NAXE: variants seen among roughly 807,000 people sequenced by gnomAD.
NAXE encodes NAD(P)H-hydrate epimerase.
Under a neutral mutation model 31.2 loss-of-function variants are expected in NAXE, and 25 were observed. The ratio of observed to expected loss-of-function variants is 0.80; its 90% confidence interval spans 0.58 to 1.12. The LOEUF is 1.12. Among genes scored for constraint, NAXE ranks in the 50% most tolerant of loss-of-function variants. NAXE has a pLI of 0.00. For synonymous variants in NAXE, 144 were observed against 154.5 expected, an observed-to-expected ratio of 0.93 and a Z score of 0.50; for missense variants, 362 against 376.1, an observed-to-expected ratio of 0.96 and a Z score of 0.31.
rs562768400 is a variant in NAXE at position 156,593,974 on chromosome 1, G to A, written c.757G>A (p.Gly253Ser). ...APKKSATQFTGRYHYLGGRFV... is the reference protein window; with the variant it reads ...APKKSATQFTSRYHYLGGRFV... ...CAAAAAATCTGCAACCCAGTTTACCGGTCGCTACCATTACCTGGGGGGTCG... is the reference window on the plus strand; with the variant it reads ...CAAAAAATCTGCAACCCAGTTTACCAGTCGCTACCATTACCTGGGGGGTCG... Residue 253 changes from glycine (G) to serine (S), a missense_variant, in exon 6 of 6, where the codon GGT becomes AGT. Coordinates refer to ENST00000368235, the MANE Select transcript of NAXE (RefSeq NM_144772.3). 9.9e-6 allele frequency: 16 copies of A among 1,614,124 alleles called. No individual in the cohort carries two copies. The highest frequency in any genetic ancestry group is 1.6e-4 in the Middle Eastern group (1 of 6,062).
chr1:156,592,765 C>T, intron 4 of NAXE, 95 bp downstream of exon 4: 1 of 1,182,300 alleles, frequency 8.5e-7, no homozygotes, highest in South Asian at 1.4e-5. Context: ...ATTTTAGTGC[C>T]TGGTACGGAA....
rs1245765243 is a variant in NAXE at position 156,594,002 on chromosome 1, T to C, written c.785T>C (p.Phe262Ser). 1 of 1,614,168 alleles carries C rather than the reference T, an allele frequency of 6.2e-7. No homozygotes were observed. Among genetic ancestry groups the C allele is most frequent in the Admixed American group, 1.7e-5 (1 of 60,016 alleles). The change falls in exon 6 of 6, where the codon TTT becomes TCT. Residue 262 changes from phenylalanine to serine, a missense_variant. By Grantham distance (155) the Phe-to-Ser change is radical. Transcript: ENST00000368235. ...CGCTACCATTACCTGGGGGGTCGTT[T>C]TGTGCCACCTGCTCTGGAGAAGAAG... ...TGRYHYLGGR[F>S]VPPALEKKYQ...
At chr1:156,592,813 G>A (rs967081046) in intron 4 of NAXE, 143 bp downstream of exon 4, 6 of 712,650 alleles carry the variant, frequency 8.4e-6, no homozygotes, top group African/African-American at 1.8e-5. Flanking sequence ...GTGTGCAAGA[G>A]CCTTCTCCTC....
At chr1:156,593,196 G>T (rs1557962975) in intron 4 of NAXE, 2 of 561,314 alleles carry the variant, frequency 3.6e-6, no homozygotes, top group Non-Finnish European at 5.9e-6. Context: ...TGGTGGGCAG[G>T]CAGGCAGGCA....
chr1:156,593,828 G>A (rs965635584), intron 5 of NAXE, 54 bp from the exon 6 acceptor site: 4 of 1,578,562 alleles, frequency 2.5e-6, no homozygotes, highest in East Asian at 4.5e-5. Flanking sequence ...GTAAACTAAG[G>A]TGTAGAAGGG....
Position 156,593,457 on chromosome 1 carries a change from G to C in NAXE, c.566G>C (p.Gly189Ala), listed in dbSNP as rs1677398914. 6.2e-7 allele frequency: 1 copy of C among 1,614,032 alleles called. No homozygotes were observed. The highest frequency in any genetic ancestry group is 1.3e-5 in the African/African-American group (1 of 74,906). The stretch of plus-strand genomic sequence containing the variant: ...GAGCTGGTGGTGGATGCCATCTTTG[G>C]CTTCAGCTTCAAGGGCGATGTTCGG... ...LYELVVDAIF[G>A]FSFKGDVREP... is the part of the protein sequence containing the mutation. Residue 189 changes from glycine to alanine, a missense_variant, in exon 5 of 6, where the codon GGC (glycine) becomes GCC (alanine). Coordinates refer to ENST00000368235, the MANE Select transcript of NAXE (RefSeq NM_144772.3).
At chr1:156,592,329 G>C in intron 2 of NAXE, 36 bp from the exon 3 acceptor site, 1 of 1,610,530 alleles carries the variant, frequency 6.2e-7, no homozygotes. Flanking sequence ...ATTACCGCCT[G>C]AAACCCCGCC....
intron 5 of NAXE, 123 bp from the exon 6 acceptor site, chr1:156,593,759 G>T (rs372981722): frequency 7.5e-7 from 1 of 1,341,632 alleles, no homozygotes; most frequent in Admixed American, 2.0e-5. Flanking sequence ...CGTGGAGCTC[G>T]TTGGACGAGA....
rs933843056 is a variant in NAXE at position 156,594,197 on chromosome 1, A to G, written c.*113A>G. 1 of 1,172,908 alleles carries G rather than the reference A, an allele frequency of 8.5e-7. No individual in the cohort carries two copies. Among genetic ancestry groups the G allele is most frequent in the Non-Finnish European group, 1.2e-6 (1 of 817,450 alleles). The allele number at this position is 1,172,908 out of a possible 1,614,324, so 72.7% of individuals were successfully genotyped here. ...AAAGTCAGTGAATGGTGGAAGTCAG[A>G]GACCAACCCTGGGGATTGGGTGCCA... is the stretch of plus-strand genomic sequence containing the variant. On this transcript the variant is annotated 3_prime_UTR_variant, in exon 6 of 6. Coordinates refer to ENST00000368235, the MANE Select transcript of NAXE (RefSeq NM_144772.3).
rs184436372 is a variant in NAXE, at chr1:156,593,153, G to A, written c.517-255G>A. 87 of 473,810 alleles carry A rather than the reference G, an allele frequency of 1.8e-4. No individual in the cohort carries two copies. In the East Asian group the frequency reaches 2.9e-3, roughly 16 times the overall value. The allele number at this position is 473,810 out of a possible 1,614,324, so 29.4% of individuals were successfully genotyped here. ...AACCAGAATCTGGCTCTCCTGACTCGTCTCAGGCTATCTCAGCCTGTAGCC... is the reference window on the plus strand; with the variant it reads ...AACCAGAATCTGGCTCTCCTGACTCATCTCAGGCTATCTCAGCCTGTAGCC... On this transcript the variant is annotated intron_variant, in intron 4 of 5. Coordinates refer to ENST00000368235, the MANE Select transcript of NAXE (RefSeq NM_144772.3).
At position 156,592,627 on chromosome 1, in the gene NAXE, G is replaced by A. The variant is rs149086062; in HGVS notation, c.473G>A (p.Cys158Tyr). The A allele has an allele frequency of 1.9e-6, 3 of 1,614,190 alleles. No individual in the cohort carries two copies. Among genetic ancestry groups the A allele is most frequent in the Non-Finnish European group, 8.5e-7 (1 of 1,180,026 alleles). Residue 158 changes from cysteine to tyrosine, a missense_variant, in exon 4 of 6, where the codon TGT becomes TAT. By Grantham distance (194) the Cys-to-Tyr change is radical. Coordinates refer to ENST00000368235, the MANE Select transcript of NAXE (RefSeq NM_144772.3). The part of the protein sequence containing the change: ...KPLFTALVTQ[C>Y]QKMDIPFLGE... ...CTCTTCACTGCATTGGTGACCCAGT[G>A]TCAGAAAATGGACATCCCTTTCCTT...
chr1:156,593,623 G>GT, intron 5 of NAXE, 68 bp downstream of exon 5: 2 of 1,596,252 alleles, frequency 1.3e-6, no homozygotes, highest in Non-Finnish European at 1.7e-6. Flanking sequence ...GCCCACACCA[G>GT]GTCTAAAATA....
intron 4 of NAXE, 139 bp from the exon 5 acceptor site, chr1:156,593,269 T>C: frequency 8.7e-7 from 1 of 1,144,202 alleles, no homozygotes. Context: ...ACACTTTCTC[T>C]AGGCCTCAGG....
chr1:156,592,700 C>T, intron 4 of NAXE, 30 bp downstream of exon 4: 1 of 1,550,676 alleles, frequency 6.4e-7, no homozygotes, highest in East Asian at 2.2e-5. Flanking sequence ...TACCTCCATC[C>T]TACAGTAACC....
In NAXE at chr1:156,594,123, A is replaced by G. The variant is rs1328539997; in HGVS notation, c.*39A>G. ...GGTATTCTTCCCAATAAAGACTTAGAGCCCCTCTCTTCCAGAACTGTGGAT... is the reference window on the plus strand; with the variant it reads ...GGTATTCTTCCCAATAAAGACTTAGGGCCCCTCTCTTCCAGAACTGTGGAT... On this transcript the variant is annotated 3_prime_UTR_variant, in exon 6 of 6. Coordinates refer to ENST00000368235, the MANE Select transcript of NAXE (RefSeq NM_144772.3). 1 of 1,600,412 alleles carries G rather than the reference A, an allele frequency of 6.2e-7. No individual in the cohort carries two copies. The highest frequency in any genetic ancestry group is 8.6e-7 in the Non-Finnish European group (1 of 1,168,880).
chr1:156,591,812 G>T lies in NAXE; in HGVS notation c.8G>T (p.Arg3Met). 3.1e-6 allele frequency: 5 copies of T among 1,596,500 alleles called. No individual in the cohort carries two copies. Residue 3 changes from arginine to methionine, a missense_variant, in exon 1 of 6, where the codon AGG becomes ATG. Physicochemically the swap from Arg to Met is moderately conservative, Grantham distance 91 (BLOSUM62 -1). Coordinates refer to ENST00000368235, the MANE Select transcript of NAXE (RefSeq NM_144772.3). Reference protein sequence around the residue: MSRLRALLGLGLL... With the variant: MSMLRALLGLGLL... ...GCGCGCTCTGCGAGCTGGATGTCCA[G>T]GCTGCGGGCGCTGCTGGGCCTCGGG... is the stretch of plus-strand genomic sequence containing the variant.
In NAXE at chr1:156,593,925, C is replaced by T. The variant is rs576342236; in HGVS notation, c.708C>T (p.Asp236=). The T allele has an allele frequency of 5.0e-6, 8 of 1,614,168 alleles. No individual in the cohort carries two copies. Among genetic ancestry groups the T allele is most frequent in the Middle Eastern group, 1.6e-4 (1 of 6,062 alleles). The change falls in exon 6 of 6, where the codon GAC becomes GAT. Residue 236 remains aspartate (D), a synonymous_variant. Coordinates refer to ENST00000368235, the MANE Select transcript of NAXE (RefSeq NM_144772.3). ...GAAATGCTGGAGGGATCCAGCCAGA[C>T]TTGCTCATATCCCTCACAGCCCCCA... ...EKGNAGGIQP[D]LLISLTAPKK... is the part of the protein sequence containing the mutation.
chr1:156,593,601 C>A (rs562805102), intron 5 of NAXE, 46 bp downstream of exon 5: 1 of 1,611,990 alleles, frequency 6.2e-7, no homozygotes, highest in African/African-American at 1.3e-5. Context: ...GGGCCCTACC[C>A]TCCTGACTCT....
In NAXE at chr1:156,592,292, G is replaced by A. The variant is rs1248160216; in HGVS notation, c.292-73G>A. ...CCCCTGGCCTAGGCACAAAGGGGTG[G>A]GAGAGACAGCTGGGCCAATATGGTC... On this transcript the variant is annotated intron_variant, in intron 2 of 5. Transcript: ENST00000368235. 5 of 1,602,888 alleles carry A rather than the reference G, an allele frequency of 3.1e-6. No homozygotes were observed. The African/African-American group carries it at 5.4e-5, about 17-fold the overall frequency.
Sources: gnomAD v4.1 joint callset for allele counts on GRCh38, gnomAD v4.1.1 for gene constraint, MANE v1.5 for transcripts, NCBI Gene and HGNC (gene_info 2026-07-23, HGNC 2026-07-21) for gene names.